MAP3K1: variants seen among roughly 807,000 people sequenced by gnomAD.
The protein encoded by MAP3K1 is mitogen-activated protein kinase kinase kinase 1.
In MAP3K1, 36 loss-of-function variants were observed where a neutral mutation model predicts 144.2. The ratio of observed to expected loss-of-function variants is 0.25; its 90% CI spans 0.19 to 0.33. The LOEUF (loss-of-function observed/expected upper bound fraction) is 0.33. MAP3K1 is among the 10% of genes least tolerant of loss of function. The pLI, the probability that MAP3K1 is intolerant of heterozygous loss-of-function variation, is 1.00. For synonymous variants in MAP3K1, 718 were observed against 688.7 expected (o/e 1.04, Z -0.67); for missense variants, 1,650 against 1,881.9 (o/e 0.88, Z 2.28).
At chr5:56,866,017 T>A in intron 6 of MAP3K1, 40 bp downstream of exon 6, 1 of 1,499,064 alleles carries the variant, frequency 6.7e-7, no homozygotes, top group Non-Finnish European at 9.3e-7. Context: ...AATCCAGTGT[T>A]ACTTTTAATT....
chr5:56,854,112 T>G (rs975086588), intron 1 of MAP3K1, among the ~76,000 whole-genome samples: 17 of 152,126 alleles, frequency 1.1e-4, no homozygotes, highest in African/African-American at 3.9e-4. Context: ...TTGTGTACAT[T>G]TTTAACCCAG....
intron 1 of MAP3K1, chr5:56,816,988 G>A (rs748086212): frequency 7.3e-6 from 6 of 818,802 alleles, no homozygotes; most frequent in Non-Finnish European, 8.8e-6. Context: ...CCCGGGGACT[G>A]CGGCGCGGGT....
intron 1 of MAP3K1, among the ~76,000 whole-genome samples, chr5:56,816,278 T>C (rs1476053554): frequency 1.3e-5 from 2 of 151,952 alleles, no homozygotes; most frequent in African/African-American, 2.4e-5. Flanking sequence ...GAGTTTGTTA[T>C]TGTTTGCAGA....
Position 56,857,890 on chromosome 5 carries a change from T to C in MAP3K1, c.633+1140T>C, listed in dbSNP as rs1234967574. Among the ~76,000 whole-genome samples, 6 of 152,216 alleles carry C rather than the reference T, an allele frequency of 3.9e-5. No homozygotes were observed. The South Asian group carries it at 8.3e-4, about 21-fold the overall frequency. On this transcript the variant is annotated intron_variant, in intron 2 of 19. Transcript: ENST00000399503. ...GTTCTCATTCTAACCGATGGAATTATACAGAATAAATCTAATTGTTCCTTT... is the reference window on the plus strand; with the variant it reads ...GTTCTCATTCTAACCGATGGAATTACACAGAATAAATCTAATTGTTCCTTT...
Position 56,815,586 on chromosome 5 carries a change from GC to G in MAP3K1, c.14del (p.Ala5GlyfsTer180), listed in dbSNP as rs1412245748. ...CCCGCGAGAGAAAATGGCGGCGGCG[GC>G]GGGGAATCGCGCCTCGTCGTCGGGA... MAAA[A>X]GNRASSSGFP... On this transcript the variant is annotated frameshift_variant, in exon 1 of 20. Transcript: ENST00000399503. LOFTEE classifies it high-confidence loss of function. The G allele has an allele frequency of 3.8e-6, 5 of 1,299,014 alleles. No homozygotes were observed. Among genetic ancestry groups the G allele is most frequent in the South Asian group, 2.3e-5 (1 of 44,326 alleles). 80.5% of individuals were successfully genotyped at this position (1,299,014 alleles called of 1,614,324 possible). A position where few individuals can be genotyped will look rare whatever the true frequency, so the allele number is the denominator to read the frequency against.
intron 1 of MAP3K1, among the ~76,000 whole-genome samples, chr5:56,856,394 A>G (rs1238661435): frequency 3.3e-5 from 5 of 152,234 alleles, no homozygotes; most frequent in African/African-American, 1.2e-4. Context: ...TGTTAACTAC[A>G]GTGGAACATA....
chr5:56,852,074 C>A (rs1747189992), intron 1 of MAP3K1: 1 of 90,360 alleles, frequency 1.1e-5, no homozygotes, highest in Admixed American at 1.1e-4. Flanking sequence ...AAAGGGTATT[C>A]CTGGCAGGGA....
chr5:56,877,238 A>C (rs1453136610), intron 10 of MAP3K1, among the ~76,000 whole-genome samples: 1 of 152,240 alleles, frequency 6.6e-6, no homozygotes, highest in East Asian at 1.9e-4. Context: ...ATACTTGACT[A>C]AATAAAATCC....
chr5:56,821,817 A>G lies in MAP3K1; in HGVS notation c.482+5762A>G, dbSNP rs1194255807. On this transcript the variant is annotated intron_variant, in intron 1 of 19. Coordinates refer to ENST00000399503, the MANE Select transcript of MAP3K1 (RefSeq NM_005921.2). Reference sequence around the variant, plus strand: ...GGAACTTTATCTGATTCTTTGCACCATCTCCCAGCATCTAGACTAGTGTCT... The same window carrying G: ...GGAACTTTATCTGATTCTTTGCACCGTCTCCCAGCATCTAGACTAGTGTCT... Among the ~76,000 whole-genome samples, 4 of 152,258 alleles carry G rather than the reference A, an allele frequency of 2.6e-5. No individual in the cohort carries two copies. The East Asian group carries it at 7.7e-4, about 29-fold the overall frequency.
rs181464318 is a variant in MAP3K1 at position 56,838,127 on chromosome 5, G to C, written c.483-18473G>C. Among the ~76,000 whole-genome samples the C allele has an allele frequency of 1.2e-4, 18 of 152,232 alleles. No individual in the cohort carries two copies. The East Asian group carries it at 1.9e-3, about 16-fold the overall frequency. On this transcript the variant is annotated intron_variant, in intron 1 of 19. Coordinates refer to ENST00000399503, the MANE Select transcript of MAP3K1 (RefSeq NM_005921.2). ...TAAAAGTTTTCAGGTTGATAACTTT[G>C]GTCCGGTATCAGTCAGAGTGATGAT...
In MAP3K1 at chr5:56,839,099, G is replaced by C. The variant is rs147447909; in HGVS notation, c.483-17501G>C. On this transcript the variant is annotated intron_variant, in intron 1 of 19. Coordinates refer to ENST00000399503, the MANE Select transcript of MAP3K1 (RefSeq NM_005921.2). ...TCAGTGGAGGGATTCCTGAGGTCAAGTTGCGAATCCAAAGGCCTACTTCAG... is the reference window on the plus strand; with the variant it reads ...TCAGTGGAGGGATTCCTGAGGTCAACTTGCGAATCCAAAGGCCTACTTCAG... Among the ~76,000 whole-genome samples the C allele has an allele frequency of 6.5e-4, 99 of 152,322 alleles. 1 individual carries two copies. The highest frequency in any genetic ancestry group is 5.2e-3 in the East Asian group (27 of 5,180).
Position 56,888,138 on chromosome 5 carries a change from AAAGT to A in MAP3K1, c.4258-84_4258-81del, listed in dbSNP as rs1160035353. The A allele has an allele frequency of 2.4e-6, 3 of 1,228,354 alleles. No individual in the cohort carries two copies. In the African/African-American group the frequency reaches 4.5e-5, roughly 18 times the overall value. The allele number at this position is 1,228,354 out of a possible 1,614,324, so 76.1% of individuals were successfully genotyped here. A position where few individuals can be genotyped will look rare whatever the true frequency, so the allele number is the denominator to read the frequency against. On this transcript the variant is annotated intron_variant, in intron 18 of 19. Transcript: ENST00000399503. ...TCCTGTTTGTACCAGTTTTCTCCCT[AAAGT>A]AAGGAAGTAGAATCTATAACTACAA... is the stretch of plus-strand genomic sequence containing the variant.
At chr5:56,842,652 G>C (rs1746849390) in intron 1 of MAP3K1, among the ~76,000 whole-genome samples, 1 of 152,204 alleles carries the variant, frequency 6.6e-6, no homozygotes, top group South Asian at 2.1e-4. Context: ...AAAAGACTTA[G>C]AACAAGGTGT....
intron 1 of MAP3K1, among the ~76,000 whole-genome samples, chr5:56,850,435 C>G (rs924239198): frequency 6.6e-6 from 1 of 152,148 alleles, no homozygotes; most frequent in Admixed American, 6.5e-5. Context: ...TTAGTTGCCT[C>G]TATTGCAGTG....
chr5:56,823,322 C>G (rs1746211911), intron 1 of MAP3K1, among the ~76,000 whole-genome samples: 1 of 152,150 alleles, frequency 6.6e-6, no homozygotes, highest in East Asian at 1.9e-4. Flanking sequence ...CCCTCACATG[C>G]TCCCTCTGCC....
chr5:56,888,501 A>C, intron 19 of MAP3K1, 144 bp downstream of exon 19: 1 of 783,840 alleles, frequency 1.3e-6, no homozygotes, highest in Admixed American at 2.2e-5. Flanking sequence ...AGGATTTGAT[A>C]TACAAGTTTT....
At chr5:56,871,243 T>C (rs1747843535) in intron 6 of MAP3K1, among the ~76,000 whole-genome samples, 1 of 152,214 alleles carries the variant, frequency 6.6e-6, no homozygotes, top group Admixed American at 6.5e-5. Flanking sequence ...GTGTCTGGGT[T>C]TGCCATAATT....
intron 4 of MAP3K1, 92 bp downstream of exon 4, chr5:56,865,026 T>G: frequency 8.4e-7 from 1 of 1,191,534 alleles, no homozygotes; most frequent in Non-Finnish European, 1.2e-6. Context: ...TTTAGATCAA[T>G]TAATTCCCTA....
At chr5:56,816,165 C>G (rs561480207) in intron 1 of MAP3K1, 110 bp downstream of exon 1, 12 of 1,082,758 alleles carry the variant, frequency 1.1e-5, no homozygotes, top group Non-Finnish European at 1.3e-5. Context: ...AGCGAGGCTA[C>G]GCGCCGCTCG....
Sources: allele counts gnomAD v4.1 joint callset (sites outside exome capture counted in the v4.1 genomes callset), GRCh38; gene constraint gnomAD v4.1.1; transcripts MANE v1.5; gene names NCBI Gene and HGNC (gene_info 2026-07-23, HGNC 2026-07-21).